Variants in KIAA1755 observed in about 807,000 individuals in gnomAD.
The protein encoded by KIAA1755 is uncharacterized protein KIAA1755.
Under a neutral mutation model 91.7 loss-of-function variants are expected in KIAA1755, and 68 were observed. The observed-to-expected ratio is 0.74, with a 90% confidence interval of 0.61 to 0.91. The LOEUF (loss-of-function observed/expected upper bound fraction) is 0.91. Among genes scored for constraint, KIAA1755 ranks in the 40% least tolerant of loss-of-function variants. The probability of loss-of-function intolerance (pLI) is 0.00; values close to 1 mark genes in which losing one functional copy is unlikely to be tolerated. For synonymous variants in KIAA1755, 610 were observed against 604.6 expected (o/e 1.01, Z -0.13); for missense variants, 1,535 against 1,494.4 (o/e 1.03, Z -0.45).
At position 38,213,322 on chromosome 20, in the gene KIAA1755, C is replaced by T. The variant is rs761854887; in HGVS notation, c.3323G>A (p.Trp1108Ter). 1 of 1,613,086 alleles carries T rather than the reference C, an allele frequency of 6.2e-7. No individual in the cohort carries two copies. The highest frequency in any genetic ancestry group is 8.5e-7 in the Non-Finnish European group (1 of 1,179,520). The change falls in exon 14 of 14, where the codon TGG (tryptophan) becomes TAG (stop). Residue 1108 changes from tryptophan (W) to a stop codon, truncating the protein, a stop_gained. Transcript: ENST00000279024. LOFTEE classifies it low-confidence loss of function (END_TRUNC). ...LGMDHLPKSY[W>*]PPGPPRGEQN... ...TTCCCCTCTGGGGGGCCCAGGAGGC[C>T]AATAGGACTTTGGCAAATGGTCCAT...
chr20:38,232,351 G>A (rs924518867), intron 4 of KIAA1755, among the ~76,000 whole-genome samples: 5 of 152,156 alleles, frequency 3.3e-5, no homozygotes, highest in African/African-American at 7.2e-5. Context: ...TTGTGGCTGG[G>A]CACGGTGGCT....
chr20:38,242,947 G>A (rs2076094305), intron 2 of KIAA1755, among the ~76,000 whole-genome samples: 1 of 152,182 alleles, frequency 6.6e-6, no homozygotes, highest in South Asian at 2.1e-4. Context: ...GAAATTCCCT[G>A]TATAGGTGGG....
intron 4 of KIAA1755, chr20:38,233,531 G>A (rs1386173178): frequency 1.3e-5 from 2 of 152,094 alleles, no homozygotes; most frequent in African/African-American, 4.8e-5. Flanking sequence ...GAGGAAACTG[G>A]GGTGGGGAAG....
chr20:38,246,573 C>T (rs2076164794), intron 1 of KIAA1755, among the ~76,000 whole-genome samples: 1 of 152,188 alleles, frequency 6.6e-6, no homozygotes, highest in Non-Finnish European at 1.5e-5. Flanking sequence ...GAGGGAAGCC[C>T]AGCCCAGACC....
chr20:38,247,315 G>A (rs576496201), intron 1 of KIAA1755, among the ~76,000 whole-genome samples: 6 of 150,260 alleles, frequency 4.0e-5, no homozygotes, highest in African/African-American at 9.8e-5. Context: ...CTCCAGCCTC[G>A]CCACCCCTCT....
chr20:38,252,617 C>A lies in KIAA1755; in HGVS notation c.4-6491G>T, dbSNP rs113759916. Among the ~76,000 whole-genome samples the A allele has an allele frequency of 3.3e-3, 508 of 152,242 alleles. 2 individuals are homozygous for A. Among genetic ancestry groups the A allele is most frequent in the African/African-American group, 0.011 (470 of 41,542 alleles). The stretch of plus-strand genomic sequence containing the variant: ...GGGGACCACCAGCTGTGGGGACTGA[C>A]GATCCCAGCTGCCTGTCCTTCCCAG... On this transcript the variant is annotated intron_variant, in intron 1 of 13. Transcript: ENST00000279024.
rs974422993 is a variant in KIAA1755 at position 38,230,583 on chromosome 20, A to G, written c.1871+619T>C. Reference sequence around the variant, plus strand: ...TTTTAACAGCCCACCAGGTGATTCGAATGCACCTTCAAATTTGAAAACCGG... The same window carrying G: ...TTTTAACAGCCCACCAGGTGATTCGGATGCACCTTCAAATTTGAAAACCGG... On this transcript the variant is annotated intron_variant, in intron 5 of 13. Coordinates refer to ENST00000279024, the MANE Select transcript of KIAA1755 (RefSeq NM_001029864.2). Among the ~76,000 whole-genome samples the G allele has an allele frequency of 3.9e-5, 6 of 152,278 alleles. No homozygotes were observed. In the South Asian group the frequency reaches 6.2e-4, roughly 16 times the overall value.
At chr20:38,234,455 G>A (rs1479167427) in intron 4 of KIAA1755, among the ~76,000 whole-genome samples, 1 of 152,194 alleles carries the variant, frequency 6.6e-6, no homozygotes, top group African/African-American at 2.4e-5. Context: ...CAAACTCATT[G>A]TTGCATCCCT....
chr20:38,232,042 G>A (rs1348961440), intron 4 of KIAA1755, among the ~76,000 whole-genome samples: 1 of 152,200 alleles, frequency 6.6e-6, no homozygotes, highest in African/African-American at 2.4e-5. Context: ...GGGGAGGAAA[G>A]GGGAGGGCAA....
chr20:38,234,242 C>A (rs2075918433), intron 4 of KIAA1755, among the ~76,000 whole-genome samples: 1 of 152,198 alleles, frequency 6.6e-6, no homozygotes, highest in African/African-American at 2.4e-5. Context: ...ATTCCTTCTG[C>A]CAGGTATGCC....
Position 38,241,926 on chromosome 20 carries a change from G to C in KIAA1755, c.205C>G (p.Pro69Ala). ...TGTAAGAAGAGGCAGTGTGAGTAGG[G>C]AGCCTGTGGAGAGAAGGGGATGGCA... is the stretch of plus-strand genomic sequence containing the variant. ...CEQVREAACA[P>A]YSHCLFLHEG... Residue 69 changes from proline (P) to alanine (A), a missense_variant, in exon 3 of 14, where the codon CCC becomes GCC. Coordinates refer to ENST00000279024, the MANE Select transcript of KIAA1755 (RefSeq NM_001029864.2). 1 of 1,608,606 alleles carries C rather than the reference G, an allele frequency of 6.2e-7. No individual in the cohort carries two copies. The highest frequency in any genetic ancestry group is 8.5e-7 in the Non-Finnish European group (1 of 1,176,762).
At chr20:38,230,848 G>T (rs528835815) in intron 5 of KIAA1755, among the ~76,000 whole-genome samples, 73 of 149,818 alleles carry the variant, frequency 4.9e-4, no homozygotes, top group South Asian at 8.4e-4. Flanking sequence ...AGATTGCATT[G>T]TTGCACTCCA....
intron 12 of KIAA1755, chr20:38,217,940 C>A (rs946829635): frequency 1.6e-5 from 7 of 451,590 alleles, no homozygotes; most frequent in African/African-American, 1.4e-4. Context: ...GTTGATGCAG[C>A]TTCCCTGCCC....
chr20:38,217,452 T>C lies in KIAA1755; in HGVS notation c.2702A>G (p.Glu901Gly). Residue 901 changes from glutamate to glycine, a missense_variant, in exon 13 of 14, where the codon GAG (glutamate) becomes GGG (glycine). Coordinates refer to ENST00000279024, the MANE Select transcript of KIAA1755 (RefSeq NM_001029864.2). ...QAAAQYRRGL[E>G]LSKQAAQLGA... ...CAGCTGAGCGGCCTGCTTGGACAGC[T>C]CCAGGCCTCGGCGGTACTGGGCCTG... 6.2e-7 allele frequency: 1 copy of C among 1,610,550 alleles called. No homozygotes were observed. Among genetic ancestry groups the C allele is most frequent in the Non-Finnish European group, 8.5e-7 (1 of 1,178,690 alleles).
intron 1 of KIAA1755, among the ~76,000 whole-genome samples, chr20:38,254,510 G>A (rs79738846): frequency 0.034 from 5,127 of 152,230 alleles, 129 homozygotes; most frequent in Middle Eastern, 0.13. Context: ...ATCAGGGGCC[G>A]GGTGCAGTGG....
chr20:38,240,200 C>T (rs2076030503), intron 3 of KIAA1755, among the ~76,000 whole-genome samples: 1 of 152,238 alleles, frequency 6.6e-6, no homozygotes, highest in Admixed American at 6.5e-5. Context: ...GCCACCAAAG[C>T]ACTGGGATTA....
chr20:38,217,960 C>T (rs559647706), intron 12 of KIAA1755: 9 of 471,680 alleles, frequency 1.9e-5, no homozygotes, highest in East Asian at 3.8e-5. Context: ...CTCCAACCCC[C>T]GGCTCTGTGA....
intron 1 of KIAA1755, among the ~76,000 whole-genome samples, chr20:38,254,136 T>C (rs7271950): frequency 0.1 from 15,482 of 152,226 alleles, 1,191 homozygotes; most frequent in African/African-American, 0.22. Flanking sequence ...CCACCCACCT[T>C]GGCCTCCCAA....
At chr20:38,260,449 G>A (rs760247709) in intron 1 of KIAA1755, 49 bp downstream of exon 1, 5 of 1,529,364 alleles carry the variant, frequency 3.3e-6, no homozygotes, top group Non-Finnish European at 4.4e-6. Flanking sequence ...GGAGGGCTGT[G>A]CCCACTGAAA....
Sources: gnomAD v4.1 joint callset for allele counts (sites outside exome capture counted in the v4.1 genomes callset) on GRCh38, gnomAD v4.1.1 for gene constraint, MANE v1.5 for transcripts, NCBI Gene and HGNC (gene_info 2026-07-23, HGNC 2026-07-21) for gene names.